BBS9: variants seen among roughly 807,000 people sequenced by gnomAD.
BBS9 encodes the protein protein PTHB1.
Under a neutral mutation model 117.7 loss-of-function variants are expected in BBS9, and 89 were observed. The observed-to-expected ratio is 0.76, with a 90% CI of 0.64 to 0.90. The LOEUF is 0.90. Among genes scored for constraint, BBS9 ranks in the 40% least tolerant of loss-of-function variants. The pLI is 0.00. For synonymous variants in BBS9, 379 were observed against 370.9 expected, an observed-to-expected ratio of 1.02 and a Z score of -0.25; for missense variants, 982 against 1,042.2, an observed-to-expected ratio of 0.94 and a Z score of 0.80.
At chr7:33,600,173 G>C (rs947386692) in intron 21 of BBS9, among the ~76,000 whole-genome samples, 2 of 152,036 alleles carry the variant, frequency 1.3e-5, no homozygotes, top group African/African-American at 4.8e-5. Flanking sequence ...TCAAAGTATC[G>C]CCGGAAGACT....
chr7:33,396,918 A>T (rs1440848966), intron 19 of BBS9, among the ~76,000 whole-genome samples: 14 of 152,204 alleles, frequency 9.2e-5, no homozygotes, highest in Admixed American at 9.2e-4. Context: ...TTCCCTATTT[A>T]ATAAATGGTG....
At chr7:33,522,120 C>T (rs1376302606) in intron 20 of BBS9, among the ~76,000 whole-genome samples, 1 of 151,788 alleles carries the variant, frequency 6.6e-6, no homozygotes, top group East Asian at 1.9e-4. Flanking sequence ...TGTATATGTG[C>T]CACATTTTCT....
intron 5 of BBS9, among the ~76,000 whole-genome samples, chr7:33,215,394 GA>G (rs754127422): frequency 2.0e-4 from 30 of 152,264 alleles, no homozygotes; most frequent in Admixed American, 3.3e-4. Context: ...ATACAATGAG[GA>G]AACAGTCTCT....
In BBS9 at chr7:33,269,342, A is replaced by G. The variant is rs138706921; in HGVS notation, c.703-3670A>G. ...AGATTTTTCTCTGTGAAACCATCTC[A>G]TTATTACTTTCATATACAATATATG... On this transcript the variant is annotated intron_variant, in intron 7 of 22. Coordinates refer to ENST00000242067, the MANE Select transcript of BBS9 (RefSeq NM_198428.3). Among the ~76,000 whole-genome samples, 9 of 152,168 alleles carry G rather than the reference A, an allele frequency of 5.9e-5. No homozygotes were observed. The East Asian group carries it at 1.7e-3, about 29-fold the overall frequency.
chr7:33,623,691 A>C (rs904207369), intron 21 of BBS9, among the ~76,000 whole-genome samples: 5 of 152,194 alleles, frequency 3.3e-5, no homozygotes, highest in Admixed American at 3.3e-4. Context: ...CAGCAACAAA[A>C]GTTAATTAAA....
chr7:33,432,680 G>T lies in BBS9; in HGVS notation c.2115+44536G>T, dbSNP rs374450634. ...AGAAAAGTTGTCTATGTTGTTATTC[G>T]AAATGGAAGATAATTTGAAATCCAA... On this transcript the variant is annotated intron_variant, in intron 19 of 22. Transcript: ENST00000242067. 1.2e-3 allele frequency among the ~76,000 whole-genome samples: 186 copies of T among 152,132 alleles called. 7 individuals carry two copies. The South Asian group carries it at 0.038, about 31-fold the overall frequency.
chr7:33,611,929 C>T (rs1422884979), intron 21 of BBS9, among the ~76,000 whole-genome samples: 1 of 149,292 alleles, frequency 6.7e-6, no homozygotes, highest in East Asian at 2.0e-4. Context: ...GTTAACATTT[C>T]TTAACATCAC....
chr7:33,299,323 A>T lies in BBS9; in HGVS notation c.1016+25367A>T, dbSNP rs187881204. ...CATTTCTGATCACAATTATATATTCAATTTCTATGTAATATATTCTTTTTT... is the reference window on the plus strand; with the variant it reads ...CATTTCTGATCACAATTATATATTCTATTTCTATGTAATATATTCTTTTTT... On this transcript the variant is annotated intron_variant, in intron 9 of 22. Coordinates refer to ENST00000242067, the MANE Select transcript of BBS9 (RefSeq NM_198428.3). Among the ~76,000 whole-genome samples, 4 of 152,128 alleles carry T rather than the reference A, an allele frequency of 2.6e-5. No individual in the cohort carries two copies. The East Asian group carries it at 7.7e-4, about 29-fold the overall frequency.
At chr7:33,168,486 CTG>C (rs1216965346) in intron 4 of BBS9, among the ~76,000 whole-genome samples, 3 of 152,042 alleles carry the variant, frequency 2.0e-5, no homozygotes, top group African/African-American at 4.8e-5. Flanking sequence ...AAATATTTTA[CTG>C]TGTCTTATTA....
intron 1 of BBS9, among the ~76,000 whole-genome samples, chr7:33,138,599 A>G (rs773462801): frequency 2.6e-4 from 39 of 151,184 alleles, no homozygotes; most frequent in Non-Finnish European, 4.3e-4. Context: ...GTGGTGGGTG[A>G]ATAAGGAAAA....
At chr7:33,465,697 G>A (rs990083212) in intron 19 of BBS9, among the ~76,000 whole-genome samples, 16 of 152,196 alleles carry the variant, frequency 1.1e-4, no homozygotes, top group Middle Eastern at 3.4e-3. Flanking sequence ...GGTGACAATA[G>A]CCTCATTTTG....
intron 5 of BBS9, among the ~76,000 whole-genome samples, chr7:33,179,610 C>T (rs10263168): frequency 6.6e-6 from 1 of 151,976 alleles, no homozygotes; most frequent in African/African-American, 2.4e-5. Context: ...GGAAAACAAG[C>T]TCAGGGCTTC....
chr7:33,633,007 A>G (rs1447378621), intron 21 of BBS9, among the ~76,000 whole-genome samples: 1 of 152,108 alleles, frequency 6.6e-6, no homozygotes, highest in Non-Finnish European at 1.5e-5. Flanking sequence ...AACCCTTTCT[A>G]AAGCTTGGTG....
At position 33,605,318 on chromosome 7, in the gene BBS9, C is replaced by T; in HGVS notation, c.*92C>T. On this transcript the variant is annotated 3_prime_UTR_variant, in exon 23 of 23. Transcript: ENST00000242067. ...GCCAAGCACAGATATAGGGCTGGCG[C>T]AGGTGCTTCCTAAAGCTCACCTTCC... The T allele has an allele frequency of 1.5e-6, 2 of 1,357,076 alleles. No individual in the cohort carries two copies. Among genetic ancestry groups the T allele is most frequent in the South Asian group, 1.2e-5 (1 of 85,788 alleles). 84.1% of individuals were successfully genotyped at this position (1,357,076 alleles called of 1,614,324 possible).
At chr7:33,434,144 A>G (rs917408837) in intron 19 of BBS9, among the ~76,000 whole-genome samples, 4 of 151,830 alleles carry the variant, frequency 2.6e-5, no homozygotes, top group African/African-American at 4.8e-5. Flanking sequence ...ATCTTTGACC[A>G]TATCTCTGGT....
chr7:33,591,323 T>C (rs1048839746), intron 21 of BBS9, among the ~76,000 whole-genome samples: 6 of 152,116 alleles, frequency 3.9e-5, no homozygotes, highest in Non-Finnish European at 8.8e-5. Flanking sequence ...TATAGAATCA[T>C]TTGGAAACTA....
intron 19 of BBS9, among the ~76,000 whole-genome samples, chr7:33,459,616 T>C (rs991305412): frequency 2.0e-5 from 3 of 152,114 alleles, no homozygotes; most frequent in Non-Finnish European, 4.4e-5. Context: ...GCACTGAAAA[T>C]GAGTTTTTGT....
intron 4 of BBS9, among the ~76,000 whole-genome samples, chr7:33,167,056 G>C (rs1795814540): frequency 6.6e-6 from 1 of 152,210 alleles, no homozygotes; most frequent in Admixed American, 6.5e-5. Context: ...TCTCTTCCAT[G>C]ATGAGTCATA....
At chr7:33,319,030 G>A (rs1811131055) in intron 9 of BBS9, among the ~76,000 whole-genome samples, 1 of 152,080 alleles carries the variant, frequency 6.6e-6, no homozygotes, top group Non-Finnish European at 1.5e-5. Flanking sequence ...GGGTATGGTG[G>A]TGGGCACCTG....
Sources: gnomAD v4.1 joint callset for allele counts (sites outside exome capture counted in the v4.1 genomes callset) on GRCh38, gnomAD v4.1.1 for gene constraint, MANE v1.5 for transcripts, NCBI Gene and HGNC (gene_info 2026-07-23, HGNC 2026-07-21) for gene names.